SCML4: variants seen among roughly 807,000 people sequenced by gnomAD.
The protein encoded by SCML4 is sex comb on midleg-like protein 4.
A neutral mutation model predicts 41.1 loss-of-function variants in SCML4; 34 were observed. The observed-to-expected ratio is 0.83, with a 90% CI of 0.63 to 1.10. The LOEUF is 1.10. Among genes scored for constraint, SCML4 ranks in the 50% least tolerant of loss-of-function variants. SCML4 has a pLI of 0.00. For synonymous variants in SCML4, 214 were observed against 220.9 expected, an observed-to-expected ratio of 0.97 and a Z score of 0.28; for missense variants, 522 against 534.1, an observed-to-expected ratio of 0.98 and a Z score of 0.22.
intron 1 of SCML4, among the ~76,000 whole-genome samples, chr6:107,800,194 G>A (rs1373856556): frequency 6.6e-6 from 1 of 152,014 alleles, no homozygotes. Flanking sequence ...TTGACCATGG[G>A]TAACATTTTC....
chr6:107,754,877 G>C (rs1778975278), intron 2 of SCML4, among the ~76,000 whole-genome samples: 1 of 152,176 alleles, frequency 6.6e-6, no homozygotes, highest in Non-Finnish European at 1.5e-5. Flanking sequence ...GGGAGGCCAA[G>C]ACGGCAGGAT....
chr6:107,750,850 C>A (rs1325265486), intron 2 of SCML4, among the ~76,000 whole-genome samples: 1 of 152,176 alleles, frequency 6.6e-6, no homozygotes, highest in African/African-American at 2.4e-5. Flanking sequence ...GGTCCATGGA[C>A]CACACTTCGA....
the SCML4 span, among the ~76,000 whole-genome samples, chr6:107,842,638 C>T: frequency 2.6e-5 from 4 of 152,338 alleles, no homozygotes; most frequent in African/African-American, 9.6e-5. Context: ...AAGTGATCTG[C>T]CCAGGTCGGC....
the SCML4 span, among the ~76,000 whole-genome samples, chr6:107,841,565 C>T: frequency 2.6e-5 from 4 of 152,210 alleles, no homozygotes; most frequent in Non-Finnish European, 4.4e-5. Flanking sequence ...TGGCAGATTA[C>T]TTAACCTCTG....
At chr6:107,824,460 CTCTGTG>C (rs1459547510), upstream of SCML4, 77 of 120,254 alleles carry the variant, frequency 6.4e-4, no homozygotes, top group African/African-American at 2.5e-3. Flanking sequence ...AAAACGAGGC[CTCTGTG>C]TGTGTGTGTG....
intron 1 of SCML4, among the ~76,000 whole-genome samples, chr6:107,812,304 C>A (rs1013606693): frequency 6.6e-6 from 1 of 152,192 alleles, no homozygotes; most frequent in African/African-American, 2.4e-5. Context: ...CACAGATGAA[C>A]TGAACAATAC....
chr6:107,762,417 A>C (rs979096980), intron 2 of SCML4, among the ~76,000 whole-genome samples: 8 of 152,234 alleles, frequency 5.3e-5, no homozygotes, highest in African/African-American at 1.9e-4. Flanking sequence ...CCTAATTAAA[A>C]GACAAAGATT....
intron 5 of SCML4, among the ~76,000 whole-genome samples, chr6:107,727,838 C>T (rs4946854): frequency 0.53 from 80,888 of 152,178 alleles, 23,590 homozygotes; most frequent in Non-Finnish European, 0.65. Context: ...GCTGCCATTA[C>T]ATTCCTTTTG....
intron 1 of SCML4, among the ~76,000 whole-genome samples, chr6:107,787,562 T>C (rs1011520243): frequency 2.0e-5 from 3 of 152,258 alleles, no homozygotes; most frequent in Admixed American, 6.5e-5. Context: ...GGTGTTTGGG[T>C]TGTTTCTAGT....
chr6:107,835,071 G>C, the SCML4 span, among the ~76,000 whole-genome samples: 1 of 152,032 alleles, frequency 6.6e-6, no homozygotes, highest in Admixed American at 6.6e-5. Context: ...GTATAAAAAG[G>C]GCATTAGGCT....
chr6:107,747,007 C>T, intron 3 of SCML4, 118 bp from the exon 4 acceptor site: 4 of 777,324 alleles, frequency 5.1e-6, no homozygotes, highest in Non-Finnish European at 8.0e-6. Flanking sequence ...CTTGGGAAAG[C>T]TGGCAAGGGC....
Position 107,800,106 on chromosome 6 carries a change from C to T in SCML4, c.-60+24020G>A, listed in dbSNP as rs1204315374. ...GTTCAAGCCATCCTCCCCCCTCAGCCTCCCGAGTAGTTGGAATAGACTATA... is the reference window on the plus strand; with the variant it reads ...GTTCAAGCCATCCTCCCCCCTCAGCTTCCCGAGTAGTTGGAATAGACTATA... On this transcript the variant is annotated intron_variant, in intron 1 of 7. Transcript: ENST00000369020. 1.3e-5 allele frequency among the ~76,000 whole-genome samples: 2 copies of T among 152,014 alleles called. 1 individual carries two copies.
At chr6:107,780,276 GA>G (rs1386743731) in intron 1 of SCML4, among the ~76,000 whole-genome samples, 1 of 151,908 alleles carries the variant, frequency 6.6e-6, no homozygotes, top group East Asian at 1.9e-4. Flanking sequence ...CTGTTAAAGT[GA>G]AAAAAAATAA....
intron 7 of SCML4, among the ~76,000 whole-genome samples, chr6:107,706,649 G>T (rs1773660067): frequency 6.6e-6 from 1 of 152,218 alleles, no homozygotes; most frequent in African/African-American, 2.4e-5. Context: ...TTGCTAATCA[G>T]CTGACTTTAA....
the SCML4 span, among the ~76,000 whole-genome samples, chr6:107,833,757 A>C: frequency 6.3e-4 from 96 of 152,296 alleles, no homozygotes; most frequent in Non-Finnish European, 1.1e-3. Flanking sequence ...AATTAGAAAA[A>C]AATTTTTTAC....
intron 3 of SCML4, among the ~76,000 whole-genome samples, chr6:107,747,927 G>T (rs186904116): frequency 3.3e-4 from 50 of 152,190 alleles, no homozygotes; most frequent in Non-Finnish European, 5.7e-4. Flanking sequence ...CTGTAATTTG[G>T]TAACAGTTGC....
chr6:107,731,746 G>A (rs2114450062), intron 5 of SCML4, among the ~76,000 whole-genome samples: 1 of 152,350 alleles, frequency 6.6e-6, no homozygotes, highest in East Asian at 1.9e-4. Context: ...GAGATTCCTA[G>A]CCCTGAAACC....
At chr6:107,801,076 GT>G (rs1783080383) in intron 1 of SCML4, among the ~76,000 whole-genome samples, 1 of 152,186 alleles carries the variant, frequency 6.6e-6, no homozygotes, top group Non-Finnish European at 1.5e-5. Flanking sequence ...TACTTTAAGA[GT>G]TTTTTATATT....
intron 1 of SCML4, among the ~76,000 whole-genome samples, chr6:107,814,597 G>A (rs9384661): frequency 0.42 from 63,324 of 152,178 alleles, 16,188 homozygotes; most frequent in East Asian, 0.7. Flanking sequence ...CTGTCACCCA[G>A]GCTGGAGTGC....
Sources: allele counts gnomAD v4.1 joint callset (sites outside exome capture counted in the v4.1 genomes callset), GRCh38; gene constraint gnomAD v4.1.1; transcripts MANE v1.5; gene names NCBI Gene and HGNC (gene_info 2026-07-23, HGNC 2026-07-21).